CDH4: variants seen among roughly 807,000 people sequenced by gnomAD.
CDH4 encodes cadherin-4.
Under a neutral mutation model 86.0 loss-of-function variants are expected in CDH4, and 33 were observed. The ratio of observed to expected loss-of-function variants is 0.38; its 90% confidence interval spans 0.29 to 0.51. The LOEUF is 0.51. Among genes scored for constraint, CDH4 ranks in the 20% least tolerant of loss-of-function variants. The pLI, the probability that CDH4 is intolerant of heterozygous loss-of-function variation, is 0.86. For missense variants in CDH4, 1,114 were observed against 1,307.4 expected, an observed-to-expected ratio of 0.85 and a Z score of 2.28; for synonymous variants, 555 against 549.4, an observed-to-expected ratio of 1.01 and a Z score of -0.14.
chr20:61,753,183 T>C (rs182976127), intron 3 of CDH4, among the ~76,000 whole-genome samples: 2 of 151,974 alleles, frequency 1.3e-5, no homozygotes, highest in Admixed American at 6.6e-5. Flanking sequence ...CAGGGCAGTG[T>C]TTATTGAGAG....
intron 2 of CDH4, among the ~76,000 whole-genome samples, chr20:61,706,446 G>A (rs545207834): frequency 3.7e-4 from 57 of 152,306 alleles, no homozygotes; most frequent in Admixed American, 9.8e-4. Flanking sequence ...TGTGGGGCAC[G>A]GTCTTAACAA....
rs773312913 is a variant in CDH4 at position 61,933,067 on chromosome 20, C to T, written c.2322C>T (p.Asp774=). 15 of 1,613,120 alleles carry T rather than the reference C, an allele frequency of 9.3e-6. No individual in the cohort carries two copies. The highest frequency in any genetic ancestry group is 5.3e-5 in the African/African-American group (4 of 74,940). ...AGCAGCTGCTCATTGACCCCGAGGA[C>T]GACGTCCGCGACAACATCCTCAAGT... ...HTKQLLIDPE[D]DVRDNILKYD... The change falls in exon 14 of 16, where the codon GAC becomes GAT. Residue 774 remains aspartate, a synonymous_variant. Transcript: ENST00000614565.
intron 13 of CDH4, among the ~76,000 whole-genome samples, chr20:61,930,174 T>G (rs2055090487): frequency 6.6e-6 from 1 of 152,160 alleles, no homozygotes; most frequent in African/African-American, 2.4e-5. Context: ...AGCTCCCAGG[T>G]GGACTTAGCA....
At chr20:61,870,231 T>C (rs967784941) in intron 6 of CDH4, among the ~76,000 whole-genome samples, 8 of 152,150 alleles carry the variant, frequency 5.3e-5, no homozygotes, top group Admixed American at 2.0e-4. Flanking sequence ...CCCGAGTTCC[T>C]GCACGTGGGC....
chr20:61,644,878 CA>C (rs2087046146), intron 2 of CDH4, among the ~76,000 whole-genome samples: 1 of 152,192 alleles, frequency 6.6e-6, no homozygotes, highest in South Asian at 2.1e-4. Flanking sequence ...GAGCTGGATC[CA>C]AAACAGAGAA....
intron 2 of CDH4, among the ~76,000 whole-genome samples, chr20:61,455,689 T>A (rs2145552383): frequency 6.6e-6 from 1 of 152,282 alleles, no homozygotes; most frequent in East Asian, 1.9e-4. Context: ...GCTAATGGCA[T>A]CCCTAGACAT....
At chr20:61,899,145 T>A (rs1025766250) in intron 8 of CDH4, among the ~76,000 whole-genome samples, 1 of 151,596 alleles carries the variant, frequency 6.6e-6, no homozygotes, top group African/African-American at 2.4e-5. Context: ...AATATATATT[T>A]TAAAAAAAAA....
chr20:61,420,906 G>A (rs946202886), intron 2 of CDH4, among the ~76,000 whole-genome samples: 5 of 152,216 alleles, frequency 3.3e-5, no homozygotes, highest in African/African-American at 7.2e-5. Flanking sequence ...CACGGGGGAC[G>A]ATAGGACAGG....
Position 61,676,209 on chromosome 20 carries a change from G to T in CDH4, c.170-67354G>T, listed in dbSNP as rs1056196910. ...CCTTCCGTCATTCCCATTAACATTC[G>T]CCTGGTGTCAGGAACGGTCAGGAAC... On this transcript the variant is annotated intron_variant, in intron 2 of 15. Transcript: ENST00000614565. The surrounding 1 kb of genome is among the most constrained non-coding windows in gnomAD (Gnocchi z 4.5). 6.6e-6 allele frequency among the ~76,000 whole-genome samples: 1 copy of T among 152,174 alleles called. No individual in the cohort carries two copies. Among genetic ancestry groups the T allele is most frequent in the Non-Finnish European group, 1.5e-5 (1 of 68,030 alleles).
At chr20:61,565,564 A>G (rs1244906038) in intron 2 of CDH4, among the ~76,000 whole-genome samples, 2 of 152,054 alleles carry the variant, frequency 1.3e-5, no homozygotes, top group African/African-American at 2.4e-5. Flanking sequence ...CCTGAGGCCC[A>G]TGAGGTCCCA....
In CDH4 at chr20:61,936,745, C is replaced by T. The variant is rs141530779; in HGVS notation, c.2553C>T (p.Arg851=). Residue 851 remains arginine (R), a synonymous_variant, in exon 16 of 16, where the codon CGC becomes CGT. Coordinates refer to ENST00000614565, the MANE Select transcript of CDH4 (RefSeq NM_001794.5). ...GTGTCTGTGACCCCCAGGGACTCCG[C>T]GCTGCTGACAACGACCCCACGGCAC... ...DIGDFINEGL[R]AADNDPTAPP... 46 of 1,597,648 alleles carry T rather than the reference C, an allele frequency of 2.9e-5. No individual in the cohort carries two copies. Among genetic ancestry groups the T allele is most frequent in the East Asian group, 1.2e-4 (5 of 43,200 alleles).
In CDH4 at chr20:61,758,570, G is replaced by A. The variant is rs548668217; in HGVS notation, c.397-14433G>A. Among the ~76,000 whole-genome samples, 144 of 152,310 alleles carry A rather than the reference G, an allele frequency of 9.5e-4. 1 individual carries two copies. Among genetic ancestry groups the A allele is most frequent in the African/African-American group, 3.3e-3 (139 of 41,572 alleles). ...CTCTGCCCACCTCCCAGCCAAGGAT[G>A]TCTCTGATCCGTCTGCAAAATAAGG... On this transcript the variant is annotated intron_variant, in intron 3 of 15. Coordinates refer to ENST00000614565, the MANE Select transcript of CDH4 (RefSeq NM_001794.5).
At chr20:61,570,442 C>T in intron 2 of CDH4, 1 of 539,570 alleles carries the variant, frequency 1.9e-6, no homozygotes, top group African/African-American at 1.9e-5. Flanking sequence ...CTGGTGCTGC[C>T]TTGAGCTTGA....
At chr20:61,815,000 C>G (rs1229158706) in intron 4 of CDH4, among the ~76,000 whole-genome samples, 1 of 152,174 alleles carries the variant, frequency 6.6e-6, no homozygotes, top group African/African-American at 2.4e-5. Context: ...GGAGGCACCC[C>G]TCAAAATGAA....
chr20:61,536,982 G>A (rs997402018), intron 2 of CDH4, among the ~76,000 whole-genome samples: 7 of 152,174 alleles, frequency 4.6e-5, no homozygotes, highest in Non-Finnish European at 1.0e-4. Flanking sequence ...CAAGACGGAT[G>A]GGTGTGAATG....
chr20:61,719,482 G>A (rs144090902), intron 2 of CDH4: 29 of 209,604 alleles, frequency 1.4e-4, no homozygotes, highest in Admixed American at 1.3e-3. Context: ...ATTAACCTTC[G>A]CTGGCTTTTC....
intron 2 of CDH4, among the ~76,000 whole-genome samples, chr20:61,597,519 A>G (rs1389989647): frequency 6.6e-6 from 1 of 152,218 alleles, no homozygotes. Context: ...TGGCAGATCC[A>G]GAGAGCCCTG....
At chr20:61,428,235 C>T (rs77626657) in intron 2 of CDH4, among the ~76,000 whole-genome samples, 1 of 152,120 alleles carries the variant, frequency 6.6e-6, no homozygotes, top group East Asian at 1.9e-4. Flanking sequence ...ACATGCAGCA[C>T]CTGGAATCCT....
At chr20:61,499,887 G>A (rs767845307) in intron 2 of CDH4, among the ~76,000 whole-genome samples, 8 of 152,174 alleles carry the variant, frequency 5.3e-5, no homozygotes, top group Non-Finnish European at 1.0e-4. Flanking sequence ...CTCCAGATGT[G>A]GGCATCGATT....
Sources: gnomAD v4.1 joint callset for allele counts (sites outside exome capture counted in the v4.1 genomes callset) on GRCh38, gnomAD v4.1.1 for gene constraint, Gnocchi (gnomAD v3.1) non-coding constraint, MANE v1.5 for transcripts, NCBI Gene and HGNC (gene_info 2026-07-23, HGNC 2026-07-21) for gene names.